The following ARHGEF33 variants were observed in gnomAD, a reference collection of about 807,000 sequenced individuals.
The protein encoded by ARHGEF33 is Rho guanine nucleotide exchange factor 33.
Under a neutral mutation model 101.9 loss-of-function variants are expected in ARHGEF33, and 72 were observed. That is an observed-to-expected ratio of 0.71 (90% CI 0.58 to 0.86). ARHGEF33 has a LOEUF of 0.86. Ranked by LOEUF, ARHGEF33 falls within the 40% of genes least tolerant of loss-of-function variation. The pLI is 0.00. For synonymous variants in ARHGEF33, 499 were observed against 442.5 expected, an observed-to-expected ratio of 1.13 and a Z score of -1.60; for missense variants, 1,169 against 1,111.3, an observed-to-expected ratio of 1.05 and a Z score of -0.74.
intron 16 of ARHGEF33, among the ~76,000 whole-genome samples, chr2:38,963,158 A>G (rs1391556732): frequency 6.6e-6 from 1 of 152,154 alleles, no homozygotes; most frequent in Non-Finnish European, 1.5e-5. Flanking sequence ...GTCTAAGTAT[A>G]TATATGCATG....
intron 7 of ARHGEF33, among the ~76,000 whole-genome samples, chr2:38,934,189 C>T (rs1210222902): frequency 2.0e-5 from 3 of 152,144 alleles, no homozygotes; most frequent in African/African-American, 7.2e-5. Context: ...TGATACCCAC[C>T]TTCTTGAAAC....
At chr2:38,935,340 C>T (rs750056612) in intron 7 of ARHGEF33, among the ~76,000 whole-genome samples, 22 of 149,710 alleles carry the variant, frequency 1.5e-4, no homozygotes, top group Non-Finnish European at 2.5e-4. Context: ...ACCACCATGC[C>T]CGGCTAATTT....
chr2:38,913,952 G>T (rs568624953), intron 2 of ARHGEF33, among the ~76,000 whole-genome samples: 1 of 151,742 alleles, frequency 6.6e-6, no homozygotes, highest in Non-Finnish European at 1.5e-5. Flanking sequence ...AGGCAAATCA[G>T]AGGATTAGAT....
At chr2:38,902,289 T>G (rs1208097322) in intron 2 of ARHGEF33, among the ~76,000 whole-genome samples, 1 of 152,102 alleles carries the variant, frequency 6.6e-6, no homozygotes, top group Non-Finnish European at 1.5e-5. Context: ...GGCAGTGAGG[T>G]TGATATATTT....
intron 2 of ARHGEF33, among the ~76,000 whole-genome samples, chr2:38,907,791 A>T (rs1330812099): frequency 6.7e-6 from 1 of 149,438 alleles, no homozygotes; most frequent in Non-Finnish European, 1.5e-5. Flanking sequence ...CAGTCACTTT[A>T]TTGTCTTTTT....
At chr2:38,926,118 G>A (rs1387865273) in intron 4 of ARHGEF33, among the ~76,000 whole-genome samples, 3 of 152,168 alleles carry the variant, frequency 2.0e-5, no homozygotes, top group Non-Finnish European at 2.9e-5. Flanking sequence ...CTGTGGTACC[G>A]TAGGCTTCGA....
At chr2:38,919,758 C>T (rs963511602) in intron 3 of ARHGEF33, among the ~76,000 whole-genome samples, 2 of 152,218 alleles carry the variant, frequency 1.3e-5, no homozygotes, top group Non-Finnish European at 2.9e-5. Flanking sequence ...AGACATCTAT[C>T]ACCTTCTAGA....
intron 16 of ARHGEF33, among the ~76,000 whole-genome samples, chr2:38,962,102 C>T (rs1241181984): frequency 6.6e-6 from 1 of 152,168 alleles, no homozygotes; most frequent in African/African-American, 2.4e-5. Flanking sequence ...TGCTGAGGTT[C>T]CCTGGGGTTC....
At position 38,958,066 on chromosome 2, in the gene ARHGEF33, C is replaced by A. The variant is rs775339109; in HGVS notation, c.1403C>A (p.Ala468Asp). 4.3e-5 allele frequency: 66 copies of A among 1,552,154 alleles called. No individual in the cohort carries two copies. Among genetic ancestry groups the A allele is most frequent in the Non-Finnish European group, 5.8e-5 (66 of 1,147,138 alleles). ...SSMAKLYKGL[A>D]SQCANAGQDA... ...ATGGCGAAGCTGTACAAAGGGCTGGCTTCCCAGTGTGCCAATGCTGGGCAA... is the reference window on the plus strand; with the variant it reads ...ATGGCGAAGCTGTACAAAGGGCTGGATTCCCAGTGTGCCAATGCTGGGCAA... Residue 468 changes from alanine to aspartate, a missense_variant, in exon 15 of 18, where the codon GCT becomes GAT. Physicochemically the swap from Ala to Asp is moderately radical, Grantham distance 126. Transcript: ENST00000409978.
At chr2:38,939,947 G>A (rs552454540) in intron 9 of ARHGEF33, among the ~76,000 whole-genome samples, 1 of 152,268 alleles carries the variant, frequency 6.6e-6, no homozygotes, top group Non-Finnish European at 1.5e-5. Context: ...TCACATTTAG[G>A]TCTATGACTT....
At chr2:38,943,828 T>TCC (rs1667372965) in intron 9 of ARHGEF33, 73 bp from the exon 10 acceptor site, 1 of 1,438,132 alleles carries the variant, frequency 7.0e-7, no homozygotes, top group African/African-American at 1.4e-5. Context: ...TTTTATCACT[T>TCC]TTATTGCTTG....
Position 38,953,172 on chromosome 2 carries a change from T to C in ARHGEF33, c.1064T>C (p.Leu355Ser). 1 of 1,500,254 alleles carries C rather than the reference T, an allele frequency of 6.7e-7. No individual in the cohort carries two copies. The highest frequency in any genetic ancestry group is 9.1e-7 in the Non-Finnish European group (1 of 1,099,718). The allele number at this position is 1,500,254 out of a possible 1,614,324, so 92.9% of individuals were successfully genotyped here. Residue 355 changes from leucine to serine, a missense_variant, in exon 12 of 18, where the codon TTG becomes TCG. Physicochemically the swap from Leu to Ser is moderately radical, Grantham distance 145 (BLOSUM62 -2). Coordinates refer to ENST00000409978, the MANE Select transcript of ARHGEF33 (RefSeq NM_001145451.5). ...GTGTTTGTTTTAAAGAATAATTTCT[T>C]GGATTATTATGTTGCCTACCTAAGG... ...LKLTNDENNFLDYYVAYLRDL... is the reference protein window; with the variant it reads ...LKLTNDENNFSDYYVAYLRDL...
At chr2:38,904,980 A>G (rs1666355713) in intron 2 of ARHGEF33, among the ~76,000 whole-genome samples, 1 of 152,156 alleles carries the variant, frequency 6.6e-6, no homozygotes, top group African/African-American at 2.4e-5. Flanking sequence ...GAATTTTAGG[A>G]TGAGAGGCGA....
intron 2 of ARHGEF33, among the ~76,000 whole-genome samples, chr2:38,896,116 A>C (rs1010164320): frequency 1.3e-5 from 2 of 152,196 alleles, no homozygotes; most frequent in African/African-American, 4.8e-5. Context: ...TGAGACAAGA[A>C]TGAACTATGC....
chr2:38,960,574 C>G lies in ARHGEF33; in HGVS notation c.2269C>G (p.Arg757Gly), dbSNP rs1213541403. Residue 757 changes from arginine (R) to glycine (G), a missense_variant, in exon 16 of 18, where the codon CGC becomes GGC. Arg to Gly is a moderately radical substitution (Grantham distance 125). Coordinates refer to ENST00000409978, the MANE Select transcript of ARHGEF33 (RefSeq NM_001145451.5). ...HGPAAAAVAA[R>G]GASRTFFPQQ... Reference sequence around the variant, plus strand: ...CCCGGCCGCCGCCGCCGTCGCCGCCCGCGGCGCATCCAGGACCTTCTTCCC... The same window carrying G: ...CCCGGCCGCCGCCGCCGTCGCCGCCGGCGGCGCATCCAGGACCTTCTTCCC... The G allele has an allele frequency of 2.3e-6, 3 of 1,291,894 alleles. No homozygotes were observed. The highest frequency in any genetic ancestry group is 1.7e-5 in the South Asian group (1 of 57,804). 80.0% of individuals were successfully genotyped at this position (1,291,894 alleles called of 1,614,324 possible).
chr2:38,962,795 A>G (rs1431279525), intron 16 of ARHGEF33, among the ~76,000 whole-genome samples: 3 of 137,228 alleles, frequency 2.2e-5, no homozygotes, highest in East Asian at 4.4e-4. Context: ...TGGGCGGATC[A>G]TGAGGTCAGG....
At chr2:38,937,803 C>T (rs1039972974) in intron 9 of ARHGEF33, among the ~76,000 whole-genome samples, 3 of 152,018 alleles carry the variant, frequency 2.0e-5, no homozygotes, top group African/African-American at 4.8e-5. Context: ...GTGCTGTGGG[C>T]GGGAGGGGGA....
intron 10 of ARHGEF33, among the ~76,000 whole-genome samples, chr2:38,946,405 C>A (rs1375564440): frequency 6.6e-6 from 1 of 151,158 alleles, no homozygotes; most frequent in Non-Finnish European, 1.5e-5. Context: ...TAATGCTATT[C>A]ATGTTAGTTA....
chr2:38,901,228 CT>C (rs1237868659), intron 2 of ARHGEF33, among the ~76,000 whole-genome samples: 1 of 152,204 alleles, frequency 6.6e-6, no homozygotes, highest in Non-Finnish European at 1.5e-5. Flanking sequence ...ACACAAGAGA[CT>C]TTCCTTAAGA....
Sources: allele counts gnomAD v4.1 joint callset (sites outside exome capture counted in the v4.1 genomes callset), GRCh38; gene constraint gnomAD v4.1.1; transcripts MANE v1.5; gene names NCBI Gene and HGNC (gene_info 2026-07-23, HGNC 2026-07-21).